The following PTPRN variants were observed in gnomAD, a reference collection of about 807,000 sequenced individuals.
PTPRN encodes protein tyrosine phosphatase receptor type N.
Under a neutral mutation model 108.5 loss-of-function variants are expected in PTPRN, and 70 were observed. The observed-to-expected ratio is 0.65, with a 90% CI of 0.53 to 0.79. The LOEUF (loss-of-function observed/expected upper bound fraction) is 0.79. Among genes scored for constraint, PTPRN ranks in the 30% least tolerant of loss-of-function variants. The pLI is 0.00. For missense variants in PTPRN, 1,136 were observed against 1,295.5 expected (o/e 0.88, Z 1.89); for synonymous variants, 496 against 524.6 (o/e 0.95, Z 0.75).
In PTPRN at chr2:219,297,574, G is replaced by A. The variant is rs1402191678; in HGVS notation, c.1888-141C>T. On this transcript the variant is annotated intron_variant, in intron 13 of 22. Transcript: ENST00000295718. This position sits in a 1 kb window ranked among gnomAD's most constrained non-coding sequence, Gnocchi z 6.0. Reference sequence around the variant, plus strand: ...TCCTCTGGGGTATGGTCTTCTGCCTGGCCCTGATCCTTTCCAGGGCTGTTT... The same window carrying A: ...TCCTCTGGGGTATGGTCTTCTGCCTAGCCCTGATCCTTTCCAGGGCTGTTT... 5 of 864,242 alleles carry A rather than the reference G, an allele frequency of 5.8e-6. No homozygotes were observed. Among genetic ancestry groups the A allele is most frequent in the Middle Eastern group, 5.9e-4 (2 of 3,394 alleles). 53.5% of individuals were successfully genotyped at this position (864,242 alleles called of 1,614,324 possible).
At chr2:219,301,121 G>T in intron 7 of PTPRN, 144 bp from the exon 8 acceptor site, 1 of 786,626 alleles carries the variant, frequency 1.3e-6, no homozygotes, top group Non-Finnish European at 2.1e-6. Flanking sequence ...CCCTGTTACT[G>T]GTCTCATCCT....
intron 7 of PTPRN, 44 bp downstream of exon 7, chr2:219,301,544 T>A: frequency 6.3e-7 from 1 of 1,579,538 alleles, no homozygotes; most frequent in South Asian, 1.1e-5. Flanking sequence ...GAGGCCTCCA[T>A]GGAGCCGGGA....
At position 219,297,350 on chromosome 2, in the gene PTPRN, C is replaced by CA; in HGVS notation, c.1970dup (p.Ser658ValfsTer85). On this transcript the variant is annotated frameshift_variant, in exon 14 of 23. Transcript: ENST00000295718. LOFTEE classifies it high-confidence loss of function. The surrounding 1 kb of genome is among the most constrained non-coding windows in gnomAD (Gnocchi z 6.0). ...GGGCTGCGTCGCTGAACTGGGAGGA[C>CA]ACACTGCTCACCCGTGAAGGCTCCG... 6.2e-7 allele frequency: 1 copy of CA among 1,614,074 alleles called. No homozygotes were observed. Among genetic ancestry groups the CA allele is most frequent in the Non-Finnish European group, 8.5e-7 (1 of 1,180,034 alleles).
chr2:219,298,967 T>G, intron 12 of PTPRN, 80 bp downstream of exon 12: 1 of 1,539,194 alleles, frequency 6.5e-7, no homozygotes, highest in Non-Finnish European at 9.0e-7. Flanking sequence ...GCTCCAGTTC[T>G]CCCCTCTGGT....
intron 5 of PTPRN, 36 bp from the exon 6 acceptor site, chr2:219,302,527 T>A: frequency 6.2e-7 from 1 of 1,613,462 alleles, no homozygotes; most frequent in Non-Finnish European, 8.5e-7. Flanking sequence ...AGAGCAGAAG[T>A]CCGGGCTGAG....
chr2:219,297,524 T>A lies in PTPRN; in HGVS notation c.1888-91A>T. On this transcript the variant is annotated intron_variant, in intron 13 of 22. Coordinates refer to ENST00000295718, the MANE Select transcript of PTPRN (RefSeq NM_002846.4). This position sits in a 1 kb window ranked among gnomAD's most constrained non-coding sequence, Gnocchi z 6.0. ...AACTCTGGGCTCCTAGGCTTGCCCTTGACTGATTTTCAGTGGAACTCAGCT... is the reference window on the plus strand; with the variant it reads ...AACTCTGGGCTCCTAGGCTTGCCCTAGACTGATTTTCAGTGGAACTCAGCT... 7.8e-7 allele frequency: 1 copy of A among 1,287,508 alleles called. No homozygotes were observed. Among genetic ancestry groups the A allele is most frequent in the Non-Finnish European group, 1.1e-6 (1 of 916,396 alleles). 79.8% of individuals were successfully genotyped at this position (1,287,508 alleles called of 1,614,324 possible).
rs778704557 is a variant in PTPRN at position 219,295,000 on chromosome 2, T to G, written c.2650A>C (p.Thr884Pro). 6.2e-7 allele frequency: 1 copy of G among 1,602,520 alleles called. No homozygotes were observed. The highest frequency in any genetic ancestry group is 8.5e-7 in the Non-Finnish European group (1 of 1,175,200). The change falls in exon 19 of 23, where the codon ACG (threonine) becomes CCG (proline). Residue 884 changes from threonine (T) to proline (P), a missense_variant. Physicochemically the swap from Thr to Pro is conservative, Grantham distance 38. Transcript: ENST00000295718. ...CTGCGGAAGTCCAGCAGGGGCCGCG[T>G]GGAGGCCGGTGTGCCCTCTGCCGGC... The part of the protein sequence containing the change: ...SWPAEGTPAS[T>P]RPLLDFRRKV...
chr2:219,291,625 C>T lies in PTPRN; in HGVS notation c.2676-102G>A, dbSNP rs144185614. The T allele has an allele frequency of 2.5e-3, 3,054 of 1,199,448 alleles. 62 individuals are homozygous for T. In the African/African-American group the frequency reaches 0.036, roughly 14 times the overall value. The allele number at this position is 1,199,448 out of a possible 1,614,324, so 74.3% of individuals were successfully genotyped here. On this transcript the variant is annotated intron_variant, in intron 19 of 22. Coordinates refer to ENST00000295718, the MANE Select transcript of PTPRN (RefSeq NM_002846.4). The stretch of plus-strand genomic sequence containing the variant: ...CCTCTCTTTCTTCCTTTTCTCCCCA[C>T]CTGCCCGGGGCAGAGAGGGAAGATG...
chr2:219,292,931 A>AG (rs1439919140), intron 19 of PTPRN: 1 of 152,214 alleles, frequency 6.6e-6, no homozygotes, highest in Non-Finnish European at 1.5e-5. Flanking sequence ...TGATGATCTG[A>AG]GGGGGAACAG....
chr2:219,302,851 C>T lies in PTPRN; in HGVS notation c.378-14G>A. The stretch of plus-strand genomic sequence containing the variant: ...GCCAAGCCAGACCTGTAGAGGAAAG[C>T]AAAGTGTGTGTGTTGGAGCGGGGGA... On this transcript the variant is annotated splice_polypyrimidine_tract_variant and intron_variant, in intron 4 of 22. Coordinates refer to ENST00000295718, the MANE Select transcript of PTPRN (RefSeq NM_002846.4). 6.2e-7 allele frequency: 1 copy of T among 1,605,082 alleles called. No homozygotes were observed. The highest frequency in any genetic ancestry group is 2.2e-5 in the East Asian group (1 of 44,854).
In PTPRN at chr2:219,307,445, T is replaced by C. The variant is rs1952511104; in HGVS notation, c.279A>G (p.Gln93=). 6.2e-7 allele frequency: 1 copy of C among 1,613,368 alleles called. No individual in the cohort carries two copies. The highest frequency in any genetic ancestry group is 1.7e-5 in the Admixed American group (1 of 59,932). The change falls in exon 3 of 23, where the codon CAA becomes CAG. Residue 93 remains glutamine, a splice_region_variant and synonymous_variant. Transcript: ENST00000295718. ...LQGVLRQLMS[Q]GLSWHDDLTQ... is the part of the protein sequence containing the mutation. The stretch of plus-strand genomic sequence containing the variant: ...TCCTCCAGTGCACCCAGACCTTACC[T>C]TGGGACATGAGTTGTCGGAGCACAC...
rs1952018923 is a variant in PTPRN at position 219,290,095 on chromosome 2, C to T, written c.*131G>A. 1 of 889,494 alleles carries T rather than the reference C, an allele frequency of 1.1e-6. No individual in the cohort carries two copies. Among genetic ancestry groups the T allele is most frequent in the South Asian group, 1.6e-5 (1 of 62,936 alleles). The allele number at this position is 889,494 out of a possible 1,614,324, so 55.1% of individuals were successfully genotyped here. On this transcript the variant is annotated 3_prime_UTR_variant, in exon 23 of 23. Transcript: ENST00000295718. The surrounding 1 kb of genome is among the most constrained non-coding windows in gnomAD (Gnocchi z 4.2). ...GCGTGCCCCTTCTGGCTTTCCCTTCCTGACTCTTCTAGGAAGGGCTGAGCA... is the reference window on the plus strand; with the variant it reads ...GCGTGCCCCTTCTGGCTTTCCCTTCTTGACTCTTCTAGGAAGGGCTGAGCA...
Position 219,296,056 on chromosome 2 carries a change from A to G in PTPRN, c.2508+170T>C. The G allele has an allele frequency of 1.2e-6, 1 of 869,312 alleles. No homozygotes were observed. The highest frequency in any genetic ancestry group is 1.8e-6 in the Non-Finnish European group (1 of 562,786). The allele number at this position is 869,312 out of a possible 1,614,324, so 53.8% of individuals were successfully genotyped here. A position where few individuals can be genotyped will look rare whatever the true frequency, so the allele number is the denominator to read the frequency against. On this transcript the variant is annotated intron_variant, in intron 18 of 22. Transcript: ENST00000295718. The surrounding 1 kb of genome is among the most constrained non-coding windows in gnomAD (Gnocchi z 6.0). Reference sequence around the variant, plus strand: ...CATGTATATATGTGAATATATGGGTATGCATATATGTGTTTATATATATTC... The same window carrying G: ...CATGTATATATGTGAATATATGGGTGTGCATATATGTGTTTATATATATTC...
chr2:219,299,606 G>C (rs1952289365), intron 10 of PTPRN, 94 bp downstream of exon 10: 1 of 1,301,502 alleles, frequency 7.7e-7, no homozygotes, highest in Non-Finnish European at 1.1e-6. Context: ...CTCAGAGCTT[G>C]TCTGCTCTTC....
At chr2:219,302,910 C>T (rs1239293951) in intron 4 of PTPRN, 73 bp from the exon 5 acceptor site, 22 of 1,386,098 alleles carry the variant, frequency 1.6e-5, no homozygotes, top group East Asian at 3.1e-5. Context: ...CAGAACTATT[C>T]GGGGCCAGGC....
Position 219,298,069 on chromosome 2 carries a change from G to C in PTPRN, c.1703C>G (p.Ala568Gly), listed in dbSNP as rs759978232. Residue 568 changes from alanine (A) to glycine (G), a missense_variant, in exon 13 of 23, where the codon GCG becomes GGG. Physicochemically the swap from Ala to Gly is moderately conservative, Grantham distance 60. Coordinates refer to ENST00000295718, the MANE Select transcript of PTPRN (RefSeq NM_002846.4). Reference protein sequence around the residue: ...EEAAAVLPQTAHSTSPMRSVL... With the variant: ...EEAAAVLPQTGHSTSPMRSVL... ...TGAGCGCATGGGTGAGGTGCTGTGC[G>C]CAGTTTGGGGAAGGACTGCAGCTGC... The C allele has an allele frequency of 6.2e-7, 1 of 1,613,856 alleles. No homozygotes were observed. The highest frequency in any genetic ancestry group is 8.5e-7 in the Non-Finnish European group (1 of 1,179,974).
intron 18 of PTPRN, 88 bp from the exon 19 acceptor site, chr2:219,295,229 C>G (rs1952161365): frequency 6.9e-7 from 1 of 1,447,796 alleles, no homozygotes; most frequent in South Asian, 1.2e-5. Context: ...CTCGGTCTCT[C>G]CAACCACCGC....
At position 219,296,718 on chromosome 2, in the gene PTPRN, A is replaced by G. The variant is rs1178640781; in HGVS notation, c.2310+31T>C. ...CATAGGGCCAGGATAATGATGGGGCAGAGGTGGGGGCTGGAGTCAGGGCCA... is the reference window on the plus strand; with the variant it reads ...CATAGGGCCAGGATAATGATGGGGCGGAGGTGGGGGCTGGAGTCAGGGCCA... On this transcript the variant is annotated intron_variant, in intron 16 of 22. Transcript: ENST00000295718. This position sits in a 1 kb window ranked among gnomAD's most constrained non-coding sequence, Gnocchi z 6.0. 1.2e-6 allele frequency: 2 copies of G among 1,611,622 alleles called. No homozygotes were observed. The highest frequency in any genetic ancestry group is 2.7e-5 in the African/African-American group (2 of 74,830).
chr2:219,294,835 A>G (rs1203470340), intron 19 of PTPRN, 140 bp downstream of exon 19: 1 of 867,150 alleles, frequency 1.2e-6, no homozygotes. Context: ...TAGGGGTGGG[A>G]GCGTGGGGTC....
Sources: gnomAD v4.1 joint callset for allele counts on GRCh38, gnomAD v4.1.1 for gene constraint, Gnocchi (gnomAD v3.1) non-coding constraint, MANE v1.5 for transcripts, NCBI Gene and HGNC (gene_info 2026-07-23, HGNC 2026-07-21) for gene names.